Variants in HELZ observed in about 807,000 individuals in gnomAD.
HELZ encodes the protein helicase with zinc finger.
HELZ carries 23 observed loss-of-function variants against 218.2 expected under a neutral mutation model. That is an observed-to-expected ratio of 0.11 (90% CI 0.08 to 0.15). HELZ has a LOEUF of 0.15. HELZ is among the 10% of genes least tolerant of loss of function. The pLI is 1.00. For missense variants in HELZ, 1,813 were observed against 2,353.7 expected (o/e 0.77, Z 4.75); for synonymous variants, 814 against 829.4 (o/e 0.98, Z 0.32).
At chr17:67,118,548 A>C (rs1360274488) in intron 27 of HELZ, among the ~76,000 whole-genome samples, 1 of 152,084 alleles carries the variant, frequency 6.6e-6, no homozygotes. Context: ...GCTCTTTGAA[A>C]GATACTGTTA....
Position 67,188,068 on chromosome 17 carries a change from G to A in HELZ, c.1162+251C>T. On this transcript the variant is annotated intron_variant, in intron 12 of 32. Transcript: ENST00000358691. The surrounding 1 kb of genome is among the most constrained non-coding windows in gnomAD (Gnocchi z 4.1). ...GAAATGAAACTGGTAGACCAAAACA[G>A]GTCTGATCATCTACTCATACAAGTT... 1 of 407,282 alleles carries A rather than the reference G, an allele frequency of 2.5e-6. No homozygotes were observed. Among genetic ancestry groups the A allele is most frequent in the Non-Finnish European group, 4.4e-6 (1 of 226,628 alleles). The allele number at this position is 407,282 out of a possible 1,614,324, so 25.2% of individuals were successfully genotyped here.
chr17:67,089,059 A>G (rs1411762605), intron 31 of HELZ, among the ~76,000 whole-genome samples: 1 of 93,742 alleles, frequency 1.1e-5, no homozygotes, highest in Non-Finnish European at 1.9e-5. Context: ...TTCTATGACT[A>G]TCCCGAGTGT....
intron 24 of HELZ, among the ~76,000 whole-genome samples, chr17:67,125,007 G>A (rs2037736984): frequency 6.8e-6 from 1 of 146,564 alleles, no homozygotes; most frequent in Non-Finnish European, 1.5e-5. Context: ...GAAAACTAAA[G>A]AGGGGATTAT....
Position 67,245,157 on chromosome 17 carries a change from C to T in HELZ, c.-141G>A, listed in dbSNP as rs2041448910. ...GGAAGTCAGGACTTACCTGTCATTACTTTCTACGCCATCTTGGATCCACTT... is the reference window on the plus strand; with the variant it reads ...GGAAGTCAGGACTTACCTGTCATTATTTTCTACGCCATCTTGGATCCACTT... On this transcript the variant is annotated 5_prime_UTR_variant, in exon 1 of 33. Transcript: ENST00000358691. 3 of 985,144 alleles carry T rather than the reference C, an allele frequency of 3.0e-6. No homozygotes were observed. The highest frequency in any genetic ancestry group is 3.6e-6 in the Non-Finnish European group (3 of 829,932). The allele number at this position is 985,144 out of a possible 1,614,324, so 61.0% of individuals were successfully genotyped here.
chr17:67,177,157 T>G (rs1160726546), intron 13 of HELZ, among the ~76,000 whole-genome samples: 2 of 152,026 alleles, frequency 1.3e-5, no homozygotes, highest in African/African-American at 4.8e-5. Context: ...CTCACTATGT[T>G]GCCCAGGCTG....
At chr17:67,160,859 C>A in intron 16 of HELZ, 38 bp downstream of exon 16, 1 of 1,468,454 alleles carries the variant, frequency 6.8e-7, no homozygotes, top group Middle Eastern at 1.8e-4. Context: ...AGGTAGTATC[C>A]TACCAGGGAA....
chr17:67,077,170 G>A lies in HELZ; in HGVS notation c.*1082C>T, dbSNP rs558474620. On this transcript the variant is annotated 3_prime_UTR_variant, in exon 33 of 33. Transcript: ENST00000358691. ...TTCTGATGAATTTTGATACATTTTTGACAAACATTATATTTCTTCTTTAAT... is the reference window on the plus strand; with the variant it reads ...TTCTGATGAATTTTGATACATTTTTAACAAACATTATATTTCTTCTTTAAT... The A allele has an allele frequency of 1.6e-3, 244 of 152,640 alleles. 2 individuals carry two copies. Among genetic ancestry groups the A allele is most frequent in the Non-Finnish European group, 2.0e-3 (136 of 67,992 alleles). The allele number at this position is 152,640 out of a possible 1,614,324, so 9.5% of individuals were successfully genotyped here.
intron 13 of HELZ, among the ~76,000 whole-genome samples, chr17:67,169,961 A>AAAC (rs1434544330): frequency 2.0e-5 from 3 of 152,242 alleles, no homozygotes; most frequent in Admixed American, 6.5e-5. Flanking sequence ...CCAAAAGGGA[A>AAAC]AACAACATTA....
At chr17:67,150,952 C>A (rs1182356875) in intron 18 of HELZ, 94 bp downstream of exon 18, 1 of 985,588 alleles carries the variant, frequency 1.0e-6, no homozygotes, top group Non-Finnish European at 1.5e-6. Context: ...AGTCAGTGAG[C>A]CAGATTTGGC....
At chr17:67,231,205 A>G (rs2041027235) in intron 3 of HELZ, among the ~76,000 whole-genome samples, 1 of 152,238 alleles carries the variant, frequency 6.6e-6, no homozygotes, top group African/African-American at 2.4e-5. Context: ...TGCTACATTC[A>G]TTGCAGGATT....
chr17:67,086,933 T>G lies in HELZ; in HGVS notation c.5390A>C (p.Asn1797Thr), dbSNP rs759076997. The G allele has an allele frequency of 4.3e-6, 7 of 1,613,612 alleles. 1 individual carries two copies. In the South Asian group the frequency reaches 7.7e-5, roughly 18 times the overall value. ...TACCCAGGACTCCGGGGATGAAAAG[T>G]TGAAAGAAGATTGGTTACTGTGGTC... ...LQDHSNQSSF[N>T]FSSPESWVNT... The change falls in exon 32 of 33, where the codon AAC (asparagine) becomes ACC (threonine). Residue 1797 changes from asparagine to threonine, a missense_variant. Coordinates refer to ENST00000358691, the MANE Select transcript of HELZ (RefSeq NM_014877.4).
chr17:67,208,935 T>C (rs1287702312), intron 5 of HELZ, among the ~76,000 whole-genome samples: 1 of 148,046 alleles, frequency 6.8e-6, no homozygotes, highest in Non-Finnish European at 1.5e-5. Context: ...AGTGAAACTC[T>C]GTCTCAAAAA....
chr17:67,207,472 A>C (rs1320155563), intron 5 of HELZ, among the ~76,000 whole-genome samples: 1 of 151,650 alleles, frequency 6.6e-6, no homozygotes, highest in Non-Finnish European at 1.5e-5. Flanking sequence ...CACTCACCTC[A>C]GTCTCCCCAA....
At chr17:67,137,523 G>A (rs1445761408) in intron 22 of HELZ, among the ~76,000 whole-genome samples, 1 of 152,068 alleles carries the variant, frequency 6.6e-6, no homozygotes, top group Non-Finnish European at 1.5e-5. Flanking sequence ...AGATTTTATA[G>A]CAATTAATTA....
At chr17:67,133,253 AGGCAACT>A (rs2038042313) in intron 23 of HELZ, among the ~76,000 whole-genome samples, 1 of 152,220 alleles carries the variant, frequency 6.6e-6, no homozygotes, top group Non-Finnish European at 1.5e-5. Context: ...AGTAAGAAAC[AGGCAACT>A]GCAGACTCAG....
chr17:67,133,815 G>T (rs540896035), intron 23 of HELZ, among the ~76,000 whole-genome samples: 1 of 152,158 alleles, frequency 6.6e-6, no homozygotes, highest in South Asian at 2.1e-4. Flanking sequence ...GCGCCTGGCC[G>T]GAACACTATT....
rs373852183 is a variant in HELZ at position 67,170,068 on chromosome 17, C to T, written c.1431-2272G>A. On this transcript the variant is annotated intron_variant, in intron 13 of 32. Transcript: ENST00000358691. The stretch of plus-strand genomic sequence containing the variant: ...GCCCCCAAGGCCTCAGGCAGCCTGG[C>T]TTCTTTGGCTTTGCTGGGCTCAGTC... Among the ~76,000 whole-genome samples, 240 of 152,360 alleles carry T rather than the reference C, an allele frequency of 1.6e-3. 6 individuals carry two copies. The South Asian group carries it at 0.047, about 30-fold the overall frequency.
chr17:67,120,694 CAAACATACAA>C (rs1473272283), intron 26 of HELZ, 82 bp from the exon 27 acceptor site: 1 of 873,316 alleles, frequency 1.1e-6, no homozygotes, highest in East Asian at 2.6e-5. Flanking sequence ...TAGGGAAAAG[CAAACATACAA>C]AGACATACAA....
chr17:67,129,017 A>G (rs550040531), intron 23 of HELZ, among the ~76,000 whole-genome samples, 162 bp from the exon 24 acceptor site: 1 of 152,142 alleles, frequency 6.6e-6, no homozygotes, highest in East Asian at 1.9e-4. Context: ...AGATCACAAG[A>G]CTCCAGAAGT....
Sources: gnomAD v4.1 joint callset for allele counts (sites outside exome capture counted in the v4.1 genomes callset) on GRCh38, gnomAD v4.1.1 for gene constraint, Gnocchi (gnomAD v3.1) non-coding constraint, MANE v1.5 for transcripts, NCBI Gene and HGNC (gene_info 2026-07-23, HGNC 2026-07-21) for gene names.